CFAP74: variants seen among roughly 807,000 people sequenced by gnomAD.
The protein encoded by CFAP74 is cilia and flagella associated protein 74, also known as cilia- and flagella-associated protein 74.
A neutral mutation model predicts 188.9 loss-of-function variants in CFAP74; 124 were observed. That is an observed-to-expected ratio of 0.66 (90% confidence interval 0.57 to 0.76). CFAP74 has a LOEUF of 0.76. Ranked by LOEUF, CFAP74 falls within the 30% of genes least tolerant of loss-of-function variation. The probability of loss-of-function intolerance (pLI) is 0.00; values close to 1 mark genes in which losing one functional copy is unlikely to be tolerated. For missense variants in CFAP74, 2,198 were observed against 2,165.2 expected (o/e 1.02, Z -0.30); for synonymous variants, 956 against 916.7 (o/e 1.04, Z -0.77).
In CFAP74 at chr1:1,985,422, A is replaced by C; in HGVS notation, c.464T>G (p.Leu155Arg). 1 of 1,614,094 alleles carries C rather than the reference A, an allele frequency of 6.2e-7. No homozygotes were observed. The highest frequency in any genetic ancestry group is 8.5e-7 in the Non-Finnish European group (1 of 1,180,032). Reference sequence around the variant, plus strand: ...CAGCACGGCCTCAGTCCTCGACTGCAGGTCTCTCTCGTTCTCCAGCTCTGC... The same window carrying C: ...CAGCACGGCCTCAGTCCTCGACTGCCGGTCTCTCTCGTTCTCCAGCTCTGC... ...LFAELENERD[L>R]QSRTEAVLKE... Residue 155 changes from leucine (L) to arginine (R), a missense_variant, in exon 6 of 39, where the codon CTG becomes CGG. Physicochemically the swap from Leu to Arg is moderately radical, Grantham distance 102 (BLOSUM62 -2). Transcript: ENST00000682832.
chr1:1,958,075 A>G (rs1374843021), intron 16 of CFAP74, among the ~76,000 whole-genome samples: 1 of 152,212 alleles, frequency 6.6e-6, no homozygotes, highest in Non-Finnish European at 1.5e-5. Flanking sequence ...CTCTGCCACC[A>G]TCGGTGACTC....
intron 1 of CFAP74, among the ~76,000 whole-genome samples, chr1:1,994,539 T>G (rs1019927837): frequency 6.6e-6 from 1 of 152,186 alleles, no homozygotes; most frequent in Admixed American, 6.5e-5. Context: ...CCAACAATAT[T>G]TTTTCCACTT....
chr1:1,946,079 GT>G (rs1653753766), intron 20 of CFAP74, among the ~76,000 whole-genome samples: 1 of 152,182 alleles, frequency 6.6e-6, no homozygotes, highest in African/African-American at 2.4e-5. Flanking sequence ...ATACATGCAT[GT>G]TTTTGCATGG....
rs1369081579 is a variant in CFAP74, at chr1:1,925,850, G to T, written c.4037C>A (p.Ser1346Tyr). The T allele has an allele frequency of 6.2e-7, 1 of 1,612,736 alleles. No homozygotes were observed. Among genetic ancestry groups the T allele is most frequent in the Admixed American group, 1.7e-5 (1 of 60,010 alleles). Residue 1346 changes from serine (S) to tyrosine (Y), a missense_variant, in exon 33 of 39, where the codon TCC (serine) becomes TAC (tyrosine). Ser to Tyr is a moderately radical substitution (Grantham distance 144). Transcript: ENST00000682832. ...GTGVASMITC[S>Y]IEGSVLNMGY... Reference sequence around the variant, plus strand: ...CATGTTGAGGACGCTGCCTTCAATGGAGCACGTGATCATGGACGCCACGCC... The same window carrying T: ...CATGTTGAGGACGCTGCCTTCAATGTAGCACGTGATCATGGACGCCACGCC...
intron 18 of CFAP74, among the ~76,000 whole-genome samples, chr1:1,951,184 A>G (rs1487850379): frequency 6.6e-6 from 1 of 152,212 alleles, no homozygotes. Flanking sequence ...ACACAGCGGC[A>G]GGAGAGAGAG....
At chr1:1,976,439 T>C (rs1039919375) in intron 6 of CFAP74, among the ~76,000 whole-genome samples, 6 of 152,196 alleles carry the variant, frequency 3.9e-5, no homozygotes, top group Non-Finnish European at 8.8e-5. Context: ...CCCCTTCCAC[T>C]GTGATTGGAG....
chr1:1,996,988 T>C (rs1034257518), intron 1 of CFAP74, among the ~76,000 whole-genome samples: 1 of 132,706 alleles, frequency 7.5e-6, no homozygotes, highest in African/African-American at 2.8e-5. Context: ...ATAGAGTATA[T>C]ATATACCAAA....
intron 18 of CFAP74, among the ~76,000 whole-genome samples, chr1:1,950,361 G>A (rs1030861150): frequency 6.8e-5 from 10 of 146,502 alleles, no homozygotes; most frequent in Admixed American, 4.8e-4. Context: ...TTGAGATGGA[G>A]TTTCATTCAC....
At chr1:1,933,531 G>A (rs1350026129) in intron 25 of CFAP74, among the ~76,000 whole-genome samples, 1 of 152,150 alleles carries the variant, frequency 6.6e-6, no homozygotes, top group Non-Finnish European at 1.5e-5. Context: ...GTATTTTGAG[G>A]AATTTGTCCA....
At position 1,922,740 on chromosome 1, in the gene CFAP74, T is replaced by A; in HGVS notation, c.4684-17A>T. 3 of 1,598,600 alleles carry A rather than the reference T, an allele frequency of 1.9e-6. No individual in the cohort carries two copies. The highest frequency in any genetic ancestry group is 2.6e-6 in the Non-Finnish European group (3 of 1,173,658). ...CTCAACGGTCTGTGGGGTATGGGGC[T>A]CCTGTAGGCTGGCGACCAGGCACCG... is the stretch of plus-strand genomic sequence containing the variant. On this transcript the variant is annotated splice_polypyrimidine_tract_variant and intron_variant, in intron 37 of 38. Transcript: ENST00000682832.
chr1:1,971,760 G>T lies in CFAP74; in HGVS notation c.888+220C>A, dbSNP rs538633594. Among the ~76,000 whole-genome samples, 12 of 152,362 alleles carry T rather than the reference G, an allele frequency of 7.9e-5. No individual in the cohort carries two copies. The South Asian group carries it at 1.7e-3, about 21-fold the overall frequency. ...ACCAGGCCCCATGGGAGCAGGGCTG[G>T]GGTGCCTGCTCCTGCCTGACTCCAG... On this transcript the variant is annotated intron_variant, in intron 9 of 38. Transcript: ENST00000682832.
At chr1:1,964,683 G>A (rs1014254974) in intron 13 of CFAP74, among the ~76,000 whole-genome samples, 3 of 152,200 alleles carry the variant, frequency 2.0e-5, no homozygotes, top group Admixed American at 6.5e-5. Flanking sequence ...CCTGCTACTC[G>A]GGAGGCTGAG....
intron 12 of CFAP74, among the ~76,000 whole-genome samples, chr1:1,966,136 T>C (rs933328873): frequency 6.6e-6 from 1 of 152,138 alleles, no homozygotes; most frequent in Non-Finnish European, 1.5e-5. Context: ...CAGGGGGAGC[T>C]TGGGGTCGTC....
rs149242959 is a variant in CFAP74, at chr1:1,968,717, C to T, written c.1163G>A (p.Arg388Gln). 523 of 1,614,124 alleles carry T rather than the reference C, an allele frequency of 3.2e-4. No individual in the cohort carries two copies. The highest frequency in any genetic ancestry group is 1.0e-3 in the South Asian group (95 of 91,080). The change falls in exon 11 of 39, where the codon CGG (arginine) becomes CAG (glutamine). Residue 388 changes from arginine (R) to glutamine (Q), a missense_variant. Arg to Gln is a conservative substitution (Grantham distance 43). Transcript: ENST00000682832. The surrounding 1 kb of genome is among the most constrained non-coding windows in gnomAD (Gnocchi z 4.3). Reference protein sequence around the residue: ...KQHPPTSARHRLTLRDKTWNY... With the variant: ...KQHPPTSARHQLTLRDKTWNY... ...CCAGGTCTTGTCCCTCAGGGTCAGCCGGTGCCTGGCACTGGTGGGGGGATG... is the reference window on the plus strand; with the variant it reads ...CCAGGTCTTGTCCCTCAGGGTCAGCTGGTGCCTGGCACTGGTGGGGGGATG...
chr1:1,996,990 T>C (rs1005119353), intron 1 of CFAP74, among the ~76,000 whole-genome samples: 3 of 138,074 alleles, frequency 2.2e-5, no homozygotes, highest in Non-Finnish European at 4.8e-5. Flanking sequence ...AGAGTATATA[T>C]ATACCAAAAA....
chr1:1,945,388 T>C (rs1653681929), intron 20 of CFAP74, among the ~76,000 whole-genome samples: 1 of 152,162 alleles, frequency 6.6e-6, no homozygotes, highest in African/African-American at 2.4e-5. Context: ...CGAAGCCGCC[T>C]AGGCAGTGGT....
rs1341996060 is a variant in CFAP74 at position 2,002,677 on chromosome 1, CA to C, written c.-20+1023del. Among the ~76,000 whole-genome samples the C allele has an allele frequency of 2.0e-5, 3 of 149,296 alleles. No individual in the cohort carries two copies. In the East Asian group the frequency reaches 5.9e-4, roughly 29 times the overall value. ...ACAGTGAGACTCTGTCTCAAAAAAA[CA>C]AAAATTTAAAGAATATATGTAGTAT... On this transcript the variant is annotated intron_variant, in intron 1 of 38. Transcript: ENST00000682832.
At chr1:1,990,740 C>G in intron 2 of CFAP74, 150 bp downstream of exon 2, 1 of 543,050 alleles carries the variant, frequency 1.8e-6, no homozygotes, top group Non-Finnish European at 3.2e-6. Context: ...CAAATAAAGA[C>G]AATAATATAA....
intron 19 of CFAP74, 111 bp from the exon 20 acceptor site, chr1:1,946,550 G>A: frequency 7.4e-7 from 1 of 1,355,460 alleles, no homozygotes; most frequent in Non-Finnish European, 9.8e-7. Context: ...CAGGACCCGT[G>A]TCCCTGGGTG....
Sources: gnomAD v4.1 joint callset for allele counts (sites outside exome capture counted in the v4.1 genomes callset) on GRCh38, gnomAD v4.1.1 for gene constraint, Gnocchi (gnomAD v3.1) non-coding constraint, MANE v1.5 for transcripts, NCBI Gene and HGNC (gene_info 2026-07-23, HGNC 2026-07-21) for gene names.